The following FGGY variants were observed in gnomAD, a reference collection of about 807,000 sequenced individuals.
FGGY encodes the protein FGGY carbohydrate kinase domain containing.
In FGGY, 72 loss-of-function variants were observed where a neutral mutation model predicts 71.3. The ratio of observed to expected loss-of-function variants is 1.01; its 90% CI spans 0.84 to 1.23. The LOEUF (loss-of-function observed/expected upper bound fraction) is 1.23. FGGY is among the 50% of genes most tolerant of loss of function. FGGY has a pLI of 0.00. For missense variants in FGGY, 668 were observed against 682.3 expected (o/e 0.98, Z 0.23); for synonymous variants, 251 against 250.3 (o/e 1.00, Z -0.02).
intron 5 of FGGY, among the ~76,000 whole-genome samples, chr1:59,424,822 G>A (rs566134197): frequency 1.3e-5 from 2 of 152,310 alleles, no homozygotes; most frequent in South Asian, 4.1e-4. Flanking sequence ...GGCATGATTT[G>A]TGTGGGTTGA....
intron 5 of FGGY, among the ~76,000 whole-genome samples, chr1:59,390,367 A>T (rs1031142530): frequency 6.6e-6 from 1 of 152,144 alleles, no homozygotes; most frequent in Non-Finnish European, 1.5e-5. Context: ...GTCATCAAGG[A>T]CACTAGCTTT....
intron 11 of FGGY, among the ~76,000 whole-genome samples, chr1:59,642,491 G>A (rs992187969): frequency 5.3e-5 from 8 of 152,112 alleles, no homozygotes; most frequent in African/African-American, 1.7e-4. Flanking sequence ...TGGGCGTGGT[G>A]GTGGACGCCT....
At chr1:59,416,990 C>T (rs2064557066) in intron 5 of FGGY, among the ~76,000 whole-genome samples, 2 of 152,134 alleles carry the variant, frequency 1.3e-5, no homozygotes, top group Admixed American at 1.3e-4. Flanking sequence ...CCCTAAAATT[C>T]ACCATTTTAT....
At chr1:59,365,147 C>A (rs907752965) in intron 4 of FGGY, among the ~76,000 whole-genome samples, 1 of 151,990 alleles carries the variant, frequency 6.6e-6, no homozygotes, top group African/African-American at 2.4e-5. Context: ...CGTTATTCAG[C>A]GTGTAGTTGG....
chr1:59,741,342 G>A (rs557053491), intron 14 of FGGY, among the ~76,000 whole-genome samples: 7 of 152,242 alleles, frequency 4.6e-5, no homozygotes, highest in Non-Finnish European at 7.4e-5. Context: ...GAGTTCTCAG[G>A]AGATCTGGTT....
intron 6 of FGGY, among the ~76,000 whole-genome samples, chr1:59,482,649 T>TATATATA (rs2093529230): frequency 6.6e-6 from 1 of 151,296 alleles, no homozygotes; most frequent in Non-Finnish European, 1.5e-5. Context: ...TATATATATA[T>TATATATA]ATAAACACCA....
chr1:59,697,657 T>G (rs772138486), intron 14 of FGGY: 91 of 1,303,760 alleles, frequency 7.0e-5, no homozygotes, highest in Non-Finnish European at 8.5e-5. Flanking sequence ...GTGGGGGAAA[T>G]AGATAGCTCA....
At chr1:59,423,199 A>G (rs1048905046) in intron 5 of FGGY, among the ~76,000 whole-genome samples, 5 of 152,150 alleles carry the variant, frequency 3.3e-5, no homozygotes, top group Non-Finnish European at 7.4e-5. Flanking sequence ...TACTGGGTAA[A>G]GGTCCCACCG....
At chr1:59,440,221 A>AATTCTAAAG (rs1211164394) in intron 5 of FGGY, among the ~76,000 whole-genome samples, 4 of 152,246 alleles carry the variant, frequency 2.6e-5, no homozygotes, top group Non-Finnish European at 4.4e-5. Context: ...AACACATGGT[A>AATTCTAAAG]ATTCTAAAGG....
chr1:59,315,371 C>T (rs917610026), intron 1 of FGGY, among the ~76,000 whole-genome samples: 2 of 151,908 alleles, frequency 1.3e-5, no homozygotes, highest in Non-Finnish European at 2.9e-5. Flanking sequence ...GTTCAGTTTC[C>T]TCCTTGCCCA....
chr1:59,740,647 T>C (rs2098139647), intron 14 of FGGY, among the ~76,000 whole-genome samples: 1 of 152,234 alleles, frequency 6.6e-6, no homozygotes, highest in Non-Finnish European at 1.5e-5. Context: ...AGATACAGTC[T>C]TTTTCTCCTT....
In FGGY at chr1:59,635,609, C is replaced by T. The variant is rs554436575; in HGVS notation, c.1074-2619C>T. ...CAGTGGCTATTCTGAAGTGGAAAGT[C>T]GCAAGAATTAGTGCAGACTCTTGAC... On this transcript the variant is annotated intron_variant, in intron 10 of 15. Coordinates refer to ENST00000303721, the MANE Select transcript of FGGY (RefSeq NM_018291.5). 4.6e-5 allele frequency among the ~76,000 whole-genome samples: 7 copies of T among 151,214 alleles called. No individual in the cohort carries two copies. The South Asian group carries it at 8.4e-4, about 18-fold the overall frequency.
intron 5 of FGGY, among the ~76,000 whole-genome samples, chr1:59,407,741 T>A (rs998374076): frequency 6.6e-6 from 1 of 152,150 alleles, no homozygotes; most frequent in African/African-American, 2.4e-5. Context: ...GCCCCCTGTG[T>A]TGGCACAGTC....
chr1:59,484,984 G>C lies in FGGY; in HGVS notation c.671-27327G>C, dbSNP rs1028957290. Among the ~76,000 whole-genome samples, 4 of 152,142 alleles carry C rather than the reference G, an allele frequency of 2.6e-5. No homozygotes were observed. The East Asian group carries it at 7.7e-4, about 29-fold the overall frequency. ...AAAATCAATTTTTCAATAATTTAGAGTGAATCACACCCATAGGGGGGATGT... is the reference window on the plus strand; with the variant it reads ...AAAATCAATTTTTCAATAATTTAGACTGAATCACACCCATAGGGGGGATGT... On this transcript the variant is annotated intron_variant, in intron 6 of 15. Transcript: ENST00000303721.
intron 14 of FGGY, among the ~76,000 whole-genome samples, chr1:59,688,277 G>GA (rs940833798): frequency 2.6e-5 from 4 of 152,172 alleles, no homozygotes; most frequent in African/African-American, 9.7e-5. Context: ...ATTCTCACAT[G>GA]AAAAATGAGG....
At chr1:59,492,649 T>G (rs1443812156) in intron 6 of FGGY, among the ~76,000 whole-genome samples, 2 of 152,126 alleles carry the variant, frequency 1.3e-5, no homozygotes, top group Non-Finnish European at 2.9e-5. Flanking sequence ...TTCAGCTGCC[T>G]GGTATCCACT....
chr1:59,533,665 G>C (rs1219550602), intron 7 of FGGY, among the ~76,000 whole-genome samples: 1 of 152,174 alleles, frequency 6.6e-6, no homozygotes, highest in Non-Finnish European at 1.5e-5. Context: ...CGGGCAGACT[G>C]CCTCCTTAAG....
chr1:59,639,033 G>A (rs1212099418), intron 11 of FGGY, among the ~76,000 whole-genome samples: 2 of 152,112 alleles, frequency 1.3e-5, no homozygotes, highest in African/African-American at 2.4e-5. Flanking sequence ...TGTTTGAGGT[G>A]TGATGAAGCA....
At chr1:59,719,748 G>T (rs1298513988) in intron 14 of FGGY, among the ~76,000 whole-genome samples, 2 of 152,090 alleles carry the variant, frequency 1.3e-5, no homozygotes, top group African/African-American at 4.8e-5. Flanking sequence ...ACTGTTCTAG[G>T]CATTTTAGGA....
Sources: gnomAD v4.1 joint callset for allele counts (sites outside exome capture counted in the v4.1 genomes callset) on GRCh38, gnomAD v4.1.1 for gene constraint, MANE v1.5 for transcripts, NCBI Gene and HGNC (gene_info 2026-07-23, HGNC 2026-07-21) for gene names.